CPLANE1: variants seen among roughly 807,000 people sequenced by gnomAD.
CPLANE1 encodes ciliogenesis and planar polarity effector complex subunit 1.
In CPLANE1, 263 loss-of-function variants were observed where a neutral mutation model predicts 362.5. That is an observed-to-expected ratio of 0.73 (90% CI 0.66 to 0.80). The LOEUF (loss-of-function observed/expected upper bound fraction) is 0.80. Among genes scored for constraint, CPLANE1 ranks in the 30% least tolerant of loss-of-function variants. CPLANE1 has a pLI of 0.00. For missense variants in CPLANE1, 3,461 were observed against 3,793.4 expected, an observed-to-expected ratio of 0.91 and a Z score of 2.30; for synonymous variants, 1,212 against 1,302.6, an observed-to-expected ratio of 0.93 and a Z score of 1.50.
chr5:37,187,817 C>T lies in CPLANE1; in HGVS notation c.3837G>A (p.Leu1279=), dbSNP rs1157665249. Residue 1279 remains leucine (L), a synonymous_variant, in exon 22 of 53, where the codon CTG becomes CTA. Transcript: ENST00000651892. ...TATCACGGACATGCAGCATCCAACACAGAGCACAAAGTTCTCTGAAGCAAC... is the reference window on the plus strand; with the variant it reads ...TATCACGGACATGCAGCATCCAACATAGAGCACAAAGTTCTCTGAAGCAAC... The part of the protein sequence containing the change: ...AIGCFRELCA[L]CWMLHVRDKL... 6.2e-7 allele frequency: 1 copy of T among 1,613,706 alleles called. No individual in the cohort carries two copies. Among genetic ancestry groups the T allele is most frequent in the Non-Finnish European group, 8.5e-7 (1 of 1,179,788 alleles).
At chr5:37,169,623 A>AT in intron 33 of CPLANE1, 62 bp from the exon 34 acceptor site, 1 of 1,417,028 alleles carries the variant, frequency 7.1e-7, no homozygotes, top group South Asian at 1.4e-5. Context: ...TCCTTTGTAA[A>AT]TGGCATTCAG....
At chr5:37,157,897 G>T in intron 39 of CPLANE1, 29 bp from the exon 40 acceptor site, 2 of 1,096,964 alleles carry the variant, frequency 1.8e-6, no homozygotes, top group Non-Finnish European at 2.5e-6. Context: ...AACCAAAGAG[G>T]GTTACATTCT....
chr5:37,142,307 T>C lies in CPLANE1; in HGVS notation c.8632+3A>G, dbSNP rs762550981. ...GTGTAAATGAAAAAGTAAAGAACAA[T>C]ACCAGGAGAAGTAGTATTCTGATCA... On this transcript the variant is annotated splice_donor_region_variant and intron_variant, in intron 44 of 52. Coordinates refer to ENST00000651892, the MANE Select transcript of CPLANE1 (RefSeq NM_001384732.1). The C allele has an allele frequency of 1.9e-6, 3 of 1,557,346 alleles. No individual in the cohort carries two copies. The East Asian group carries it at 7.1e-5, about 37-fold the overall frequency.
At chr5:37,138,534 G>A in intron 46 of CPLANE1, 186 bp downstream of exon 46, 1 of 734,664 alleles carries the variant, frequency 1.4e-6, no homozygotes, top group Non-Finnish European at 2.5e-6. Flanking sequence ...ACAGGATACA[G>A]TTATATACTA....
chr5:37,202,960 GATAGCTCAGATGA>G, intron 18 of CPLANE1, among the ~76,000 whole-genome samples: 1 of 150,634 alleles, frequency 6.6e-6, no homozygotes, highest in African/African-American at 2.4e-5. Context: ...ATATGTATAT[GATAGCTCAGATGA>G]ATAGCTCAGA....
intron 21 of CPLANE1, among the ~76,000 whole-genome samples, chr5:37,194,501 C>T (rs1399306796): frequency 1.3e-5 from 2 of 151,906 alleles, no homozygotes; most frequent in African/African-American, 4.8e-5. Context: ...CTGCCTGGCC[C>T]TTTTGTTACG....
intron 46 of CPLANE1, among the ~76,000 whole-genome samples, chr5:37,133,779 T>C (rs1182582956): frequency 6.6e-6 from 1 of 152,226 alleles, no homozygotes; most frequent in East Asian, 1.9e-4. Context: ...TTCTCTTACC[T>C]GATTCCTCTG....
intron 43 of CPLANE1, among the ~76,000 whole-genome samples, chr5:37,143,139 C>T (rs975699795): frequency 7.2e-5 from 11 of 152,176 alleles, no homozygotes; most frequent in African/African-American, 1.4e-4. Flanking sequence ...AGTGAAGAAA[C>T]GTATACTAAA....
At chr5:37,084,720 G>A in the CPLANE1 span, among the ~76,000 whole-genome samples, 1 of 151,840 alleles carries the variant, frequency 6.6e-6, no homozygotes, top group Admixed American at 6.6e-5. Flanking sequence ...GCAGAGAGCT[G>A]AGATCATGCC....
rs1223391444 is a variant in CPLANE1 at position 37,108,610 on chromosome 5, T to C, written c.9401-139A>G. 6.3e-6 allele frequency: 5 copies of C among 795,176 alleles called. No individual in the cohort carries two copies. In the African/African-American group the frequency reaches 6.9e-5, roughly 11 times the overall value. The allele number at this position is 795,176 out of a possible 1,614,324, so 49.3% of individuals were successfully genotyped here. ...TTTGAATCACAAGGTCTGGAAATGG[T>C]TCACTTTAGAGTTCGAACAATTCCT... On this transcript the variant is annotated intron_variant, in intron 51 of 52. Coordinates refer to ENST00000651892, the MANE Select transcript of CPLANE1 (RefSeq NM_001384732.1).
chr5:37,149,607 T>A (rs566885877), intron 42 of CPLANE1, among the ~76,000 whole-genome samples: 29 of 152,280 alleles, frequency 1.9e-4, no homozygotes, highest in African/African-American at 6.0e-4. Context: ...GCTTAATTTA[T>A]CAATTAGGCA....
chr5:37,140,242 A>G (rs1394068521), intron 44 of CPLANE1: 19 of 925,358 alleles, frequency 2.1e-5, no homozygotes, highest in Non-Finnish European at 2.5e-5. Flanking sequence ...CTCTTCTCAA[A>G]AAATATTCCT....
At chr5:37,077,991 G>A in the CPLANE1 span, among the ~76,000 whole-genome samples, 1 of 152,090 alleles carries the variant, frequency 6.6e-6, no homozygotes, top group South Asian at 2.1e-4. Context: ...GGGCTCAAGC[G>A]ATCCTCCTGC....
intron 15 of CPLANE1, among the ~76,000 whole-genome samples, chr5:37,218,093 A>G (rs1794539401): frequency 6.6e-6 from 1 of 152,320 alleles, no homozygotes; most frequent in South Asian, 2.1e-4. Flanking sequence ...CATAGCATGC[A>G]TGACTGCTTG....
At chr5:37,240,401 T>C (rs1800112981) in intron 6 of CPLANE1, among the ~76,000 whole-genome samples, 1 of 152,112 alleles carries the variant, frequency 6.6e-6, no homozygotes. Flanking sequence ...GGCTCACGGT[T>C]CTGCAGGCTG....
intron 46 of CPLANE1, among the ~76,000 whole-genome samples, chr5:37,128,739 A>T (rs1764930605): frequency 6.6e-6 from 1 of 152,008 alleles, no homozygotes; most frequent in Admixed American, 6.6e-5. Context: ...TGGACCTGTA[A>T]TCCCAGCTAC....
At chr5:37,238,684 A>C (rs1331426495) in intron 8 of CPLANE1, among the ~76,000 whole-genome samples, 173 bp downstream of exon 8, 1 of 151,628 alleles carries the variant, frequency 6.6e-6, no homozygotes, top group Admixed American at 6.6e-5. Flanking sequence ...TTTTTAGTAA[A>C]GATGAGGTCT....
intron 50 of CPLANE1, 34 bp from the exon 51 acceptor site, chr5:37,115,083 T>A: frequency 7.8e-7 from 1 of 1,287,616 alleles, no homozygotes; most frequent in Non-Finnish European, 1.1e-6. Flanking sequence ...TAGCCTTCCA[T>A]AGACATCCAT....
At chr5:37,234,472 C>A (rs1798475778) in intron 8 of CPLANE1, among the ~76,000 whole-genome samples, 2 of 128,982 alleles carry the variant, frequency 1.6e-5, no homozygotes, top group Non-Finnish European at 1.7e-5. Flanking sequence ...CTACACCAAG[C>A]AAAAGAAAGA....
Sources: allele counts gnomAD v4.1 joint callset (sites outside exome capture counted in the v4.1 genomes callset), GRCh38; gene constraint gnomAD v4.1.1; transcripts MANE v1.5; gene names NCBI Gene and HGNC (gene_info 2026-07-23, HGNC 2026-07-21).